Variants in FAM177B observed in about 807,000 individuals in gnomAD.
FAM177B encodes the protein family with sequence similarity 177 member B.
In FAM177B, 16 loss-of-function variants were observed where a neutral mutation model predicts 16.1. The observed-to-expected ratio is 0.99, with a 90% CI of 0.67 to 1.51. FAM177B has a LOEUF of 1.51. FAM177B is among the 40% of genes most tolerant of loss of function. The probability of loss-of-function intolerance (pLI) is 0.00; values close to 1 mark genes in which losing one functional copy is unlikely to be tolerated. For synonymous variants in FAM177B, 56 were observed against 59.9 expected (o/e 0.93, Z 0.30); for missense variants, 178 against 183.7 (o/e 0.97, Z 0.18).
intron 2 of FAM177B, among the ~76,000 whole-genome samples, chr1:222,742,915 C>A (rs573189139): frequency 1.3e-5 from 2 of 152,090 alleles, no homozygotes; most frequent in South Asian, 4.2e-4. Context: ...AAAGTAATTG[C>A]GGTTTTTCCA....
intron 2 of FAM177B, among the ~76,000 whole-genome samples, chr1:222,739,378 G>A (rs553772391): frequency 6.6e-6 from 1 of 152,284 alleles, no homozygotes; most frequent in South Asian, 2.1e-4. Context: ...CTCTGTTTCA[G>A]TTTCAAAGTT....
At chr1:222,739,833 G>T (rs1254800236) in intron 2 of FAM177B, 1 of 152,190 alleles carries the variant, frequency 6.6e-6, no homozygotes, top group Non-Finnish European at 1.5e-5. Flanking sequence ...GAGGAATTAT[G>T]TAAGTTTCTT....
intron 2 of FAM177B, among the ~76,000 whole-genome samples, chr1:222,743,414 T>A (rs1658641259): frequency 6.6e-6 from 1 of 152,026 alleles, no homozygotes; most frequent in South Asian, 2.1e-4. Flanking sequence ...CGCCTTGCCC[T>A]CCCAAAGTTC....
intron 2 of FAM177B, among the ~76,000 whole-genome samples, chr1:222,740,052 C>G (rs1475054965): frequency 6.6e-6 from 1 of 152,096 alleles, no homozygotes; most frequent in African/African-American, 2.4e-5. Flanking sequence ...CTGTGATACA[C>G]CATTACTAAG....
intron 2 of FAM177B, among the ~76,000 whole-genome samples, chr1:222,741,539 T>G (rs1317665436): frequency 6.6e-6 from 1 of 151,880 alleles, no homozygotes; most frequent in Non-Finnish European, 1.5e-5. Context: ...CTCTATTTTT[T>G]TTTTTTTGAG....
intron 2 of FAM177B, among the ~76,000 whole-genome samples, chr1:222,740,671 G>A (rs1449113774): frequency 7.2e-5 from 11 of 151,944 alleles, no homozygotes; most frequent in Admixed American, 7.2e-4. Flanking sequence ...TCTTTATACT[G>A]TCCCCACCAA....
At chr1:222,742,033 T>A (rs961993113) in intron 2 of FAM177B, among the ~76,000 whole-genome samples, 1 of 150,894 alleles carries the variant, frequency 6.6e-6, no homozygotes, top group Non-Finnish European at 1.5e-5. Flanking sequence ...TTAAAACTCA[T>A]GGCCTCAAGT....
intron 1 of FAM177B, among the ~76,000 whole-genome samples, 176 bp downstream of exon 1, chr1:222,737,498 G>C (rs1169484093): frequency 6.6e-6 from 1 of 152,230 alleles, no homozygotes; most frequent in Non-Finnish European, 1.5e-5. Flanking sequence ...CCAGCAGAGA[G>C]CTCTCTGCAG....
At position 222,749,879 on chromosome 1, in the gene FAM177B, T is replaced by C. The variant is rs747365328; in HGVS notation, c.340-42T>C. On this transcript the variant is annotated intron_variant, in intron 5 of 5. Coordinates refer to ENST00000445590, the MANE Select transcript of FAM177B (RefSeq NM_001394345.1). The stretch of plus-strand genomic sequence containing the variant: ...ACAAGAGGGGGAGTTCAGAGGTCTT[T>C]GTTTGTACAGTTAAACATTTCCTTA... 3.1e-6 allele frequency: 5 copies of C among 1,608,938 alleles called. No homozygotes were observed. The South Asian group carries it at 5.5e-5, about 18-fold the overall frequency.
intron 5 of FAM177B, 103 bp downstream of exon 5, chr1:222,749,665 A>G: frequency 1.3e-6 from 1 of 743,214 alleles, no homozygotes; most frequent in South Asian, 1.8e-5. Context: ...GGTCATATGT[A>G]CTATAATTTC....
At chr1:222,746,508 G>C (rs555768490) in intron 2 of FAM177B, 23 bp from the exon 3 acceptor site, 6 of 1,441,692 alleles carry the variant, frequency 4.2e-6, no homozygotes, top group Non-Finnish European at 5.7e-6. Flanking sequence ...TTGCCCTAAG[G>C]TGCCCTGTTT....
At chr1:222,749,628 C>G (rs1414111248) in intron 5 of FAM177B, 66 bp downstream of exon 5, 1 of 972,858 alleles carries the variant, frequency 1.0e-6, no homozygotes, top group Non-Finnish European at 1.6e-6. Context: ...AAATTTAGGC[C>G]AGTATAGAGA....
intron 2 of FAM177B, among the ~76,000 whole-genome samples, chr1:222,744,655 C>T (rs534003555): frequency 6.6e-6 from 1 of 152,160 alleles, no homozygotes; most frequent in African/African-American, 2.4e-5. Context: ...CTCTTCATTA[C>T]AATTTTATAA....
At position 222,749,511 on chromosome 1, in the gene FAM177B, TC is replaced by T; in HGVS notation, c.289del (p.Gln97AsnfsTer8). On this transcript the variant is annotated frameshift_variant, in exon 5 of 6. Transcript: ENST00000445590. LOFTEE classifies it low-confidence loss of function (END_TRUNC). ...GRFAVFFGLT[Q>X]PKYQYVLNEF... ...GATTTGCTGTCTTCTTTGGTCTTAC[TC>T]AACCCAAATATCAGTATGTGTTAAA... is the stretch of plus-strand genomic sequence containing the variant. The T allele has an allele frequency of 6.2e-7, 1 of 1,611,058 alleles. No homozygotes were observed. Among genetic ancestry groups the T allele is most frequent in the African/African-American group, 1.3e-5 (1 of 74,936 alleles).
chr1:222,742,766 C>T (rs990720065), intron 2 of FAM177B: 2 of 152,070 alleles, frequency 1.3e-5, no homozygotes, highest in Non-Finnish European at 2.9e-5. Context: ...CAGATTTCTT[C>T]GTATGCTTAA....
At chr1:222,746,399 G>C in intron 2 of FAM177B, 132 bp from the exon 3 acceptor site, 1 of 494,310 alleles carries the variant, frequency 2.0e-6, no homozygotes, top group South Asian at 4.5e-5. Flanking sequence ...TCCTTTTTTG[G>C]ATTTGAGGAA....
At chr1:222,743,204 A>G (rs772101650) in intron 2 of FAM177B, among the ~76,000 whole-genome samples, 2 of 152,020 alleles carry the variant, frequency 1.3e-5, no homozygotes, top group Non-Finnish European at 2.9e-5. Context: ...CTGGAGTGCA[A>G]TGGCATGATC....
At chr1:222,743,392 A>G (rs1340332094) in intron 2 of FAM177B, among the ~76,000 whole-genome samples, 1 of 151,672 alleles carries the variant, frequency 6.6e-6, no homozygotes, top group Non-Finnish European at 1.5e-5. Flanking sequence ...TCCTGACCTC[A>G]TGCGATCCAC....
In FAM177B at chr1:222,750,178, C is replaced by T. The variant is rs1658991659; in HGVS notation, c.*120C>T. On this transcript the variant is annotated 3_prime_UTR_variant, in exon 6 of 6. Coordinates refer to ENST00000445590, the MANE Select transcript of FAM177B (RefSeq NM_001394345.1). ...ACCATGGCAACAACACCAGAGGTAG[C>T]ACTTCTGAGCCAGATCTGATCCTAA... 6.7e-7 allele frequency: 1 copy of T among 1,500,382 alleles called. No individual in the cohort carries two copies. Among genetic ancestry groups the T allele is most frequent in the Non-Finnish European group, 8.8e-7 (1 of 1,130,910 alleles). 92.9% of individuals were successfully genotyped at this position (1,500,382 alleles called of 1,614,324 possible).
Sources: gnomAD v4.1 joint callset for allele counts (sites outside exome capture counted in the v4.1 genomes callset) on GRCh38, gnomAD v4.1.1 for gene constraint, MANE v1.5 for transcripts, NCBI Gene and HGNC (gene_info 2026-07-23, HGNC 2026-07-21) for gene names.